EPHA5: variants seen among roughly 807,000 people sequenced by gnomAD.
EPHA5 encodes the protein EPH receptor A5.
A neutral mutation model predicts 105.0 loss-of-function variants in EPHA5; 60 were observed. The ratio of observed to expected loss-of-function variants is 0.57; its 90% CI spans 0.46 to 0.71. EPHA5 has a LOEUF of 0.71. Ranked by LOEUF, EPHA5 falls within the 30% of genes least tolerant of loss-of-function variation. EPHA5 has a pLI of 0.00. For missense variants in EPHA5, 1,218 were observed against 1,274.7 expected, an observed-to-expected ratio of 0.96 and a Z score of 0.68; for synonymous variants, 513 against 449.1, an observed-to-expected ratio of 1.14 and a Z score of -1.80.
intron 3 of EPHA5, among the ~76,000 whole-genome samples, chr4:65,499,028 T>A (rs1009221088): frequency 8.0e-5 from 12 of 149,832 alleles, no homozygotes; most frequent in African/African-American, 3.0e-4. Context: ...TTCCCTTAGT[T>A]AACTTCATTT....
At chr4:65,406,631 A>G (rs1395247374) in intron 7 of EPHA5, among the ~76,000 whole-genome samples, 1 of 151,498 alleles carries the variant, frequency 6.6e-6, no homozygotes, top group East Asian at 1.9e-4. Context: ...CCTCTTTCTG[A>G]TACTTCTTCC....
chr4:65,606,388 G>T (rs1408959151), intron 2 of EPHA5, among the ~76,000 whole-genome samples: 1 of 152,000 alleles, frequency 6.6e-6, no homozygotes, highest in Non-Finnish European at 1.5e-5. Flanking sequence ...CAAACATATT[G>T]AATAAATAGT....
At chr4:65,468,609 AT>A (rs1728974596) in intron 5 of EPHA5, among the ~76,000 whole-genome samples, 1 of 132,000 alleles carries the variant, frequency 7.6e-6, no homozygotes, top group Admixed American at 8.7e-5. Flanking sequence ...TATATTATAT[AT>A]ATTATATATA....
rs187337330 is a variant in EPHA5 at position 65,482,098 on chromosome 4, G to T, written c.1402+8279C>A. On this transcript the variant is annotated intron_variant, in intron 5 of 16. Coordinates refer to ENST00000613740, the MANE Select transcript of EPHA5 (RefSeq NM_001281766.3). The stretch of plus-strand genomic sequence containing the variant: ...GTATCACCTGAGGTCAGGAGTTTGA[G>T]ACCAGCATGGCCAACACGGGGAAAT... Among the ~76,000 whole-genome samples the T allele has an allele frequency of 7.9e-5, 12 of 152,220 alleles. No individual in the cohort carries two copies. In the East Asian group the frequency reaches 2.3e-3, roughly 30 times the overall value.
chr4:65,666,930 C>T (rs1750015659), intron 1 of EPHA5, among the ~76,000 whole-genome samples: 2 of 152,072 alleles, frequency 1.3e-5, no homozygotes, highest in African/African-American at 2.4e-5. Context: ...TACATTTATT[C>T]TGTATGTTTT....
intron 3 of EPHA5, among the ~76,000 whole-genome samples, chr4:65,542,752 G>A (rs1736967740): frequency 8.3e-6 from 1 of 120,358 alleles, no homozygotes; most frequent in Non-Finnish European, 1.7e-5. Flanking sequence ...ACCAAAACCT[G>A]GCAGAGACAC....
intron 3 of EPHA5, among the ~76,000 whole-genome samples, chr4:65,506,854 T>C (rs982209370): frequency 3.3e-5 from 5 of 152,184 alleles, no homozygotes; most frequent in Admixed American, 1.3e-4. Context: ...GCAGAAGCTC[T>C]TTAGTTTAAT....
At chr4:65,626,252 C>G (rs1416901747) in intron 2 of EPHA5, among the ~76,000 whole-genome samples, 1 of 151,544 alleles carries the variant, frequency 6.6e-6, no homozygotes, top group African/African-American at 2.4e-5. Context: ...AATGAAAGAA[C>G]AAAATGTAAT....
intron 3 of EPHA5, among the ~76,000 whole-genome samples, chr4:65,527,644 T>G (rs915833053): frequency 8.5e-5 from 13 of 152,138 alleles, no homozygotes; most frequent in African/African-American, 2.9e-4. Context: ...TGCCGGCTAC[T>G]GGAACATACT....
At chr4:65,356,368 T>G (rs192485291) in intron 11 of EPHA5, among the ~76,000 whole-genome samples, 1 of 151,600 alleles carries the variant, frequency 6.6e-6, no homozygotes, top group East Asian at 2.0e-4. Flanking sequence ...ATCTCTTTCT[T>G]TGAAAATCTG....
At chr4:65,633,157 A>G (rs1746803467) in intron 2 of EPHA5, among the ~76,000 whole-genome samples, 1 of 152,058 alleles carries the variant, frequency 6.6e-6, no homozygotes, top group South Asian at 2.1e-4. Flanking sequence ...AAAAGCCTCA[A>G]AAAACTTCAA....
At chr4:65,408,635 A>G (rs1036881145) in intron 7 of EPHA5, among the ~76,000 whole-genome samples, 26 of 152,108 alleles carry the variant, frequency 1.7e-4, no homozygotes, top group African/African-American at 6.0e-4. Flanking sequence ...CAAAACCACA[A>G]TGAGATACCA....
intron 3 of EPHA5, among the ~76,000 whole-genome samples, chr4:65,548,465 A>G (rs556639902): frequency 6.6e-6 from 1 of 151,910 alleles, no homozygotes; most frequent in Non-Finnish European, 1.5e-5. Flanking sequence ...CATACCTCTA[A>G]TTGTCACAGA....
chr4:65,644,057 T>C (rs1308847233), intron 1 of EPHA5, among the ~76,000 whole-genome samples: 2 of 152,186 alleles, frequency 1.3e-5, no homozygotes, highest in Admixed American at 1.3e-4. Context: ...CCCAAAGATA[T>C]CTTCTTCTTA....
At chr4:65,520,071 A>T (rs1221655507) in intron 3 of EPHA5, among the ~76,000 whole-genome samples, 2 of 152,120 alleles carry the variant, frequency 1.3e-5, no homozygotes, top group Non-Finnish European at 2.9e-5. Context: ...CATTGCCAAG[A>T]CAATCCTAAG....
chr4:65,402,018 A>C (rs1470634653), intron 8 of EPHA5, among the ~76,000 whole-genome samples: 1 of 152,068 alleles, frequency 6.6e-6, no homozygotes, highest in Non-Finnish European at 1.5e-5. Context: ...CCACATGTCA[A>C]GGGAGAGACC....
intron 5 of EPHA5, among the ~76,000 whole-genome samples, chr4:65,448,479 C>A (rs1726773930): frequency 6.6e-6 from 1 of 152,088 alleles, no homozygotes; most frequent in African/African-American, 2.4e-5. Flanking sequence ...GAAACCCCGT[C>A]TCTATTAAAA....
intron 5 of EPHA5, among the ~76,000 whole-genome samples, chr4:65,453,787 G>A (rs1727295070): frequency 6.6e-6 from 1 of 152,142 alleles, no homozygotes; most frequent in African/African-American, 2.4e-5. Flanking sequence ...AAAACCCTAA[G>A]TCAAATGTCA....
At chr4:65,607,705 GA>G (rs570040986) in intron 2 of EPHA5, among the ~76,000 whole-genome samples, 147 of 152,318 alleles carry the variant, frequency 9.7e-4, no homozygotes, top group African/African-American at 3.4e-3. Flanking sequence ...AGGGTGTGGA[GA>G]AATAGGAACA....
Sources: allele counts gnomAD v4.1 joint callset (sites outside exome capture counted in the v4.1 genomes callset), GRCh38; gene constraint gnomAD v4.1.1; transcripts MANE v1.5; gene names NCBI Gene and HGNC (gene_info 2026-07-23, HGNC 2026-07-21).